The following DACH1 variants were observed in gnomAD, a reference collection of about 807,000 sequenced individuals.
DACH1 encodes the protein dachshund family transcription factor 1.
A neutral mutation model predicts 54.2 loss-of-function variants in DACH1; 12 were observed. The observed-to-expected ratio is 0.22, with a 90% confidence interval of 0.14 to 0.36. The LOEUF (loss-of-function observed/expected upper bound fraction) is 0.36. Among genes scored for constraint, DACH1 ranks in the 10% least tolerant of loss-of-function variants. The probability of loss-of-function intolerance (pLI) is 1.00; values close to 1 mark genes in which losing one functional copy is unlikely to be tolerated. For synonymous variants in DACH1, 386 were observed against 366.2 expected (o/e 1.05, Z -0.62); for missense variants, 805 against 929.8 (o/e 0.87, Z 1.75).
At chr13:71,721,606 A>G (rs917488666) in intron 1 of DACH1, among the ~76,000 whole-genome samples, 7 of 152,140 alleles carry the variant, frequency 4.6e-5, no homozygotes, top group Non-Finnish European at 1.0e-4. Flanking sequence ...AACTAAAATA[A>G]TCACCAAGTC....
At chr13:71,598,315 C>T (rs990322044) in intron 3 of DACH1, among the ~76,000 whole-genome samples, 5 of 151,970 alleles carry the variant, frequency 3.3e-5, no homozygotes, top group Admixed American at 6.6e-5. Flanking sequence ...AGTGCAGTGG[C>T]GCAATCTCAG....
intron 6 of DACH1, among the ~76,000 whole-genome samples, chr13:71,522,026 T>C (rs1384195918): frequency 6.6e-6 from 1 of 152,142 alleles, no homozygotes; most frequent in Admixed American, 6.6e-5. Context: ...TGCAAACTAC[T>C]ACAGTATAAC....
chr13:71,637,123 CA>C (rs777572009), intron 2 of DACH1, among the ~76,000 whole-genome samples: 6 of 152,022 alleles, frequency 3.9e-5, no homozygotes, highest in Non-Finnish European at 7.4e-5. Context: ...GGGAGAGAGA[CA>C]CCCCAAAGAG....
At chr13:71,781,098 G>A (rs1375436045) in intron 1 of DACH1, among the ~76,000 whole-genome samples, 1 of 152,130 alleles carries the variant, frequency 6.6e-6, no homozygotes, top group African/African-American at 2.4e-5. Flanking sequence ...TAGTGACACT[G>A]CACTCCAGCC....
intron 6 of DACH1, among the ~76,000 whole-genome samples, chr13:71,515,393 T>G (rs1003792990): frequency 6.6e-6 from 1 of 151,808 alleles, no homozygotes; most frequent in African/African-American, 2.4e-5. Flanking sequence ...TTTCACGGAG[T>G]CAGCATTTTG....
chr13:71,739,209 G>C (rs766383788), intron 1 of DACH1, among the ~76,000 whole-genome samples: 1 of 151,960 alleles, frequency 6.6e-6, no homozygotes, highest in Non-Finnish European at 1.5e-5. Flanking sequence ...CCGAGATCGC[G>C]CCATTGCATT....
chr13:71,523,086 G>A (rs1230965640), intron 6 of DACH1, among the ~76,000 whole-genome samples: 1 of 152,040 alleles, frequency 6.6e-6, no homozygotes, highest in Non-Finnish European at 1.5e-5. Flanking sequence ...TCATTTCCAG[G>A]TTATTTTTTT....
intron 6 of DACH1, among the ~76,000 whole-genome samples, chr13:71,540,399 A>G (rs1484604840): frequency 6.6e-6 from 1 of 152,108 alleles, no homozygotes; most frequent in Non-Finnish European, 1.5e-5. Context: ...GGTCCTCACA[A>G]GTTGGCAGAA....
chr13:71,866,413 G>A lies in DACH1; in HGVS notation c.357C>T (p.Gly119=). 5 of 1,426,724 alleles carry A rather than the reference G, an allele frequency of 3.5e-6. No homozygotes were observed. Among genetic ancestry groups the A allele is most frequent in the Non-Finnish European group, 1.8e-6 (2 of 1,083,960 alleles). 88.4% of individuals were successfully genotyped at this position (1,426,724 alleles called of 1,614,324 possible). A position where few individuals can be genotyped will look rare whatever the true frequency, so the allele number is the denominator to read the frequency against. The change falls in exon 1 of 11, where the codon GGC becomes GGT. Residue 119 remains glycine, a synonymous_variant. Transcript: ENST00000613252. ...CGCCGCCGCCAGCGCTGATGCCGCC[G>A]CCGCCGCCGCCGCTGCCGTTGCTCG... The part of the protein sequence containing the change: ...AAASNGSGGG[G]GGISAGGGVA...
At chr13:71,785,693 G>T (rs1886563028) in intron 1 of DACH1, among the ~76,000 whole-genome samples, 1 of 152,192 alleles carries the variant, frequency 6.6e-6, no homozygotes, top group African/African-American at 2.4e-5. Context: ...TTACTAATGG[G>T]AGCATATGGT....
At chr13:71,758,037 C>G (rs1885240772) in intron 1 of DACH1, among the ~76,000 whole-genome samples, 1 of 151,864 alleles carries the variant, frequency 6.6e-6, no homozygotes, top group African/African-American at 2.4e-5. Context: ...TATTCAGAAC[C>G]AATATGATAA....
rs530487011 is a variant in DACH1 at position 71,536,823 on chromosome 13, G to C, written c.1570+20201C>G. On this transcript the variant is annotated intron_variant, in intron 6 of 10. Coordinates refer to ENST00000613252, the MANE Select transcript of DACH1 (RefSeq NM_080759.6). ...CATTATCAAATTCCTCAAGAAATCC[G>C]CTCAACACCACTTCAATCAATCCAT... Among the ~76,000 whole-genome samples the C allele has an allele frequency of 1.6e-3, 248 of 151,926 alleles. 2 individuals are homozygous for C. Among genetic ancestry groups the C allele is most frequent in the Non-Finnish European group, 3.0e-3 (205 of 67,962 alleles).
intron 1 of DACH1, among the ~76,000 whole-genome samples, chr13:71,749,066 C>A (rs966003927): frequency 6.6e-6 from 1 of 151,698 alleles, no homozygotes; most frequent in Non-Finnish European, 1.5e-5. Context: ...CTCACTGCCA[C>A]CTCTGCCTTC....
At chr13:71,835,121 T>C (rs912898022) in intron 1 of DACH1, among the ~76,000 whole-genome samples, 1 of 152,050 alleles carries the variant, frequency 6.6e-6, no homozygotes, top group African/African-American at 2.4e-5. Flanking sequence ...ACTTTGGAAA[T>C]GTTGGCTCAG....
At chr13:71,540,052 C>G (rs1883035184) in intron 6 of DACH1, among the ~76,000 whole-genome samples, 1 of 151,710 alleles carries the variant, frequency 6.6e-6, no homozygotes, top group African/African-American at 2.4e-5. Flanking sequence ...ATTTAGGCTT[C>G]CATGTCATTT....
intron 6 of DACH1, among the ~76,000 whole-genome samples, chr13:71,519,883 GTATATATATATATATA>G (rs57190375): frequency 3.4e-5 from 1 of 29,330 alleles, no homozygotes; most frequent in African/African-American, 6.7e-5. Flanking sequence ...AACCAAAGTA[GTATATATATATATATA>G]TATATATATC....
chr13:71,824,036 T>C (rs939044696), intron 1 of DACH1, among the ~76,000 whole-genome samples: 3 of 151,878 alleles, frequency 2.0e-5, no homozygotes, highest in African/African-American at 7.2e-5. Flanking sequence ...TCTTCAAACC[T>C]CTTGCCACAT....
At chr13:71,466,768 A>C (rs551710482) in intron 10 of DACH1, among the ~76,000 whole-genome samples, 1 of 144,900 alleles carries the variant, frequency 6.9e-6, no homozygotes, top group Non-Finnish European at 1.5e-5. Context: ...ATTGCTGGAG[A>C]CTGGAAAGTT....
Position 71,536,301 on chromosome 13 carries a change from C to T in DACH1, c.1570+20723G>A, listed in dbSNP as rs117884121. Among the ~76,000 whole-genome samples, 190 of 152,046 alleles carry T rather than the reference C, an allele frequency of 1.2e-3. 2 individuals carry two copies. In the East Asian group the frequency reaches 0.028, roughly 23 times the overall value. ...TTTATCAGGAGAAATCTTTCTCAAG[C>T]GCAATTTTATCCCAAAGATCTAGGT... is the stretch of plus-strand genomic sequence containing the variant. On this transcript the variant is annotated intron_variant, in intron 6 of 10. Coordinates refer to ENST00000613252, the MANE Select transcript of DACH1 (RefSeq NM_080759.6).
Sources: allele counts gnomAD v4.1 joint callset (sites outside exome capture counted in the v4.1 genomes callset), GRCh38; gene constraint gnomAD v4.1.1; transcripts MANE v1.5; gene names NCBI Gene and HGNC (gene_info 2026-07-23, HGNC 2026-07-21).